The following RALGAPA2 variants were observed in gnomAD, a reference collection of about 807,000 sequenced individuals.
The protein encoded by RALGAPA2 is Ral GTPase activating protein catalytic subunit alpha 2.
Under a neutral mutation model 230.4 loss-of-function variants are expected in RALGAPA2, and 139 were observed. The ratio of observed to expected loss-of-function variants is 0.60; its 90% confidence interval spans 0.53 to 0.69. The LOEUF (loss-of-function observed/expected upper bound fraction) is 0.69. Ranked by LOEUF, RALGAPA2 falls within the 30% of genes least tolerant of loss-of-function variation. RALGAPA2 has a pLI of 0.00. For synonymous variants in RALGAPA2, 847 were observed against 837.8 expected, an observed-to-expected ratio of 1.01 and a Z score of -0.19; for missense variants, 2,163 against 2,276.0, an observed-to-expected ratio of 0.95 and a Z score of 1.01.
At chr20:20,482,951 C>G (rs1427056337) in intron 36 of RALGAPA2, among the ~76,000 whole-genome samples, 1 of 152,212 alleles carries the variant, frequency 6.6e-6, no homozygotes, top group Non-Finnish European at 1.5e-5. Flanking sequence ...CCTACTCCTG[C>G]TCATCTACCC....
At position 20,640,753 on chromosome 20, in the gene RALGAPA2, C is replaced by A. The variant is rs1296450462; in HGVS notation, c.498G>T (p.Arg166Ser). 5 of 1,613,914 alleles carry A rather than the reference C, an allele frequency of 3.1e-6. No homozygotes were observed. Among genetic ancestry groups the A allele is most frequent in the Non-Finnish European group, 4.2e-6 (5 of 1,179,836 alleles). The part of the protein sequence containing the change: ...VPGFPAVMSS[R>S]GPCTLETLIN... ...TGAGTGTCTCCAGTGTGCAAGGGCCCCTGGATGACATGACTGCTGGGAAAC... is the reference window on the plus strand; with the variant it reads ...TGAGTGTCTCCAGTGTGCAAGGGCCACTGGATGACATGACTGCTGGGAAAC... Residue 166 changes from arginine to serine, a missense_variant, in exon 6 of 40, where the codon AGG becomes AGT. Arg to Ser is a moderately radical substitution (Grantham distance 110). Transcript: ENST00000202677.
chr20:20,626,418 G>A (rs1016466370), intron 10 of RALGAPA2, among the ~76,000 whole-genome samples: 32 of 152,260 alleles, frequency 2.1e-4, no homozygotes, highest in African/African-American at 7.0e-4. Flanking sequence ...ATGTTTTTAA[G>A]CTTCATGACA....
intron 26 of RALGAPA2, among the ~76,000 whole-genome samples, 161 bp from the exon 27 acceptor site, chr20:20,531,956 C>T (rs920203845): frequency 2.0e-5 from 3 of 152,134 alleles, no homozygotes; most frequent in Admixed American, 2.0e-4. Context: ...AAAGAACCCT[C>T]AATAGGCCAA....
intron 3 of RALGAPA2, among the ~76,000 whole-genome samples, chr20:20,665,549 G>A (rs1216909543): frequency 6.6e-6 from 1 of 152,188 alleles, no homozygotes; most frequent in Non-Finnish European, 1.5e-5. Flanking sequence ...GGAGACTGCA[G>A]TCTTTAATAC....
At chr20:20,711,721 CCT>C (rs992273251) in intron 1 of RALGAPA2, among the ~76,000 whole-genome samples, 43 of 151,974 alleles carry the variant, frequency 2.8e-4, no homozygotes, top group African/African-American at 1.0e-3. Flanking sequence ...GAAAACCACC[CCT>C]CTCTCCAAGC....
chr20:20,641,571 C>A (rs1350172869), intron 5 of RALGAPA2, among the ~76,000 whole-genome samples: 5 of 151,944 alleles, frequency 3.3e-5, no homozygotes, highest in African/African-American at 1.2e-4. Context: ...TGTCCTTTTT[C>A]TTTCTTTACA....
In RALGAPA2 at chr20:20,598,064, C is replaced by T. The variant is rs1259164483; in HGVS notation, c.2203+3618G>A. On this transcript the variant is annotated intron_variant, in intron 16 of 39. Coordinates refer to ENST00000202677, the MANE Select transcript of RALGAPA2 (RefSeq NM_020343.4). ...AAAATGACTTTTGGTGCTATGATAT[C>T]TTAATAAAAAATGTACTGTGTGTAA... 2.0e-5 allele frequency among the ~76,000 whole-genome samples: 3 copies of T among 152,208 alleles called. No individual in the cohort carries two copies. The East Asian group carries it at 5.8e-4, about 29-fold the overall frequency.
chr20:20,605,946 C>A (rs977996172), intron 14 of RALGAPA2, among the ~76,000 whole-genome samples: 6 of 152,124 alleles, frequency 3.9e-5, no homozygotes, highest in Admixed American at 2.6e-4. Flanking sequence ...AAGAGGGGCC[C>A]CGCTCTGCTA....
chr20:20,453,255 G>T (rs2061031299), intron 37 of RALGAPA2, among the ~76,000 whole-genome samples: 1 of 152,198 alleles, frequency 6.6e-6, no homozygotes, highest in South Asian at 2.1e-4. Context: ...CAAGAGGACA[G>T]CTCCAAGCAG....
At chr20:20,583,784 A>G (rs2065055334) in intron 19 of RALGAPA2, among the ~76,000 whole-genome samples, 1 of 152,204 alleles carries the variant, frequency 6.6e-6, no homozygotes, top group African/African-American at 2.4e-5. Context: ...TCATAATATA[A>G]TAAGGCTAGG....
intron 8 of RALGAPA2, among the ~76,000 whole-genome samples, chr20:20,636,378 T>C (rs1294941634): frequency 1.3e-5 from 2 of 152,282 alleles, no homozygotes; most frequent in Admixed American, 6.5e-5. Context: ...ATATTAACAA[T>C]ATACCATGTT....
chr20:20,398,744 C>T lies in RALGAPA2; in HGVS notation c.5618-2010G>A, dbSNP rs1011621036. On this transcript the variant is annotated intron_variant, in intron 38 of 39. Transcript: ENST00000202677. This position sits in a 1 kb window ranked among gnomAD's most constrained non-coding sequence, Gnocchi z 4.5. ...GGGAGAGACACAAAGCCTAACTGTC[C>T]TATCCCTTTGTCAAATGAGCAGCAG... Among the ~76,000 whole-genome samples the T allele has an allele frequency of 6.6e-6, 1 of 152,148 alleles. No homozygotes were observed. The highest frequency in any genetic ancestry group is 1.5e-5 in the Non-Finnish European group (1 of 68,030).
At chr20:20,494,054 A>G (rs6137045) in intron 36 of RALGAPA2, among the ~76,000 whole-genome samples, 2,477 of 152,288 alleles carry the variant, frequency 0.016, 94 homozygotes, top group East Asian at 0.14. Flanking sequence ...AGTAATAACA[A>G]AAAACAACAG....
At chr20:20,394,314 C>T (rs538526054) in intron 39 of RALGAPA2, among the ~76,000 whole-genome samples, 2 of 152,200 alleles carry the variant, frequency 1.3e-5, no homozygotes, top group Middle Eastern at 6.8e-3. Flanking sequence ...CCAGGGGCTT[C>T]ATGGTTGCCT....
intron 33 of RALGAPA2, among the ~76,000 whole-genome samples, chr20:20,509,539 C>T (rs2062639631): frequency 6.6e-6 from 1 of 152,162 alleles, no homozygotes; most frequent in Non-Finnish European, 1.5e-5. Context: ...TCCCCTTCTG[C>T]AGAGGGAATC....
rs377613802 is a variant in RALGAPA2 at position 20,432,591 on chromosome 20, A to G, written c.5496-20443T>C. On this transcript the variant is annotated intron_variant, in intron 37 of 39. Coordinates refer to ENST00000202677, the MANE Select transcript of RALGAPA2 (RefSeq NM_020343.4). ...AAGAGCCACAGCATTTCCTTAGAACATCTTGATGTAAAGTTAATGATTCTT... is the reference window on the plus strand; with the variant it reads ...AAGAGCCACAGCATTTCCTTAGAACGTCTTGATGTAAAGTTAATGATTCTT... 3.9e-4 allele frequency among the ~76,000 whole-genome samples: 60 copies of G among 152,362 alleles called. 1 individual carries two copies. Among genetic ancestry groups the G allele is most frequent in the African/African-American group, 1.3e-3 (52 of 41,598 alleles).
At chr20:20,486,665 A>G (rs1050993471) in intron 36 of RALGAPA2, among the ~76,000 whole-genome samples, 15 of 152,166 alleles carry the variant, frequency 9.9e-5, no homozygotes, top group African/African-American at 3.6e-4. Flanking sequence ...GACAATTTCC[A>G]ATATTTCTTC....
At chr20:20,608,014 A>G (rs1307769409) in intron 14 of RALGAPA2, among the ~76,000 whole-genome samples, 1 of 152,156 alleles carries the variant, frequency 6.6e-6, no homozygotes, top group Non-Finnish European at 1.5e-5. Context: ...AGGGAAACAA[A>G]CAGCCTGGAC....
At chr20:20,690,398 G>A (rs2068859374) in intron 1 of RALGAPA2, among the ~76,000 whole-genome samples, 1 of 151,972 alleles carries the variant, frequency 6.6e-6, no homozygotes. Flanking sequence ...ATAATTAGAA[G>A]TAATCATTGA....
Sources: allele counts gnomAD v4.1 joint callset (sites outside exome capture counted in the v4.1 genomes callset), GRCh38; gene constraint gnomAD v4.1.1; non-coding constraint Gnocchi (gnomAD v3.1); transcripts MANE v1.5; gene names NCBI Gene and HGNC (gene_info 2026-07-23, HGNC 2026-07-21).